Variants in PRKD1 observed in about 807,000 individuals in gnomAD.
PRKD1 encodes serine/threonine-protein kinase D1.
PRKD1 carries 63 observed loss-of-function variants against 95.9 expected under a neutral mutation model. That is an observed-to-expected ratio of 0.66 (90% CI 0.54 to 0.81). PRKD1 has a LOEUF of 0.81. PRKD1 is among the 30% of genes least tolerant of loss of function. The probability of loss-of-function intolerance (pLI) is 0.00; values close to 1 mark genes in which losing one functional copy is unlikely to be tolerated. For synonymous variants in PRKD1, 425 were observed against 423.1 expected (o/e 1.00, Z -0.05); for missense variants, 1,048 against 1,165.3 (o/e 0.90, Z 1.47).
At chr14:29,890,924 TC>T (rs1401981071) in intron 1 of PRKD1, among the ~76,000 whole-genome samples, 3 of 152,046 alleles carry the variant, frequency 2.0e-5, no homozygotes, top group African/African-American at 7.2e-5. Context: ...TTTTGAAAAT[TC>T]TATCTATCAC....
chr14:29,577,120 T>C lies in PRKD1; in HGVS notation c.*118A>G. The stretch of plus-strand genomic sequence containing the variant: ...CAGATACATCAACAGTGCTAACAGT[T>C]TAACAGCTTTGTTCTCATCTGACAG... On this transcript the variant is annotated 3_prime_UTR_variant, in exon 18 of 18. Coordinates refer to ENST00000331968, the MANE Select transcript of PRKD1 (RefSeq NM_002742.3). The C allele has an allele frequency of 1.9e-6, 2 of 1,073,466 alleles. No individual in the cohort carries two copies. Among genetic ancestry groups the C allele is most frequent in the Non-Finnish European group, 2.7e-6 (2 of 734,366 alleles). 66.5% of individuals were successfully genotyped at this position (1,073,466 alleles called of 1,614,324 possible).
intron 2 of PRKD1, among the ~76,000 whole-genome samples, chr14:29,694,949 C>T (rs919947962): frequency 2.6e-5 from 4 of 152,004 alleles, no homozygotes; most frequent in Non-Finnish European, 5.9e-5. Flanking sequence ...AAAGGACAGC[C>T]GGGCCAGGCA....
intron 13 of PRKD1, among the ~76,000 whole-genome samples, chr14:29,622,389 T>TTCC (rs1566492875): frequency 7.6e-5 from 1 of 13,128 alleles, no homozygotes; most frequent in East Asian, 1.6e-3. Flanking sequence ...TCCTTCCTTC[T>TTCC]TTCCTTCCTT....
chr14:29,695,868 A>C (rs898275934), intron 2 of PRKD1, among the ~76,000 whole-genome samples: 1 of 152,260 alleles, frequency 6.6e-6, no homozygotes, highest in Non-Finnish European at 1.5e-5. Flanking sequence ...TGATAGATCA[A>C]TAAATGTAAA....
At chr14:29,845,067 T>G (rs1437689882) in intron 1 of PRKD1, among the ~76,000 whole-genome samples, 1 of 152,178 alleles carries the variant, frequency 6.6e-6, no homozygotes, top group African/African-American at 2.4e-5. Context: ...TTCTAATTAA[T>G]GAAGAAAAGG....
chr14:29,661,897 A>C (rs1426642376), intron 4 of PRKD1, among the ~76,000 whole-genome samples: 1 of 152,200 alleles, frequency 6.6e-6, no homozygotes, highest in Non-Finnish European at 1.5e-5. Flanking sequence ...AATTTTAAAA[A>C]TGTGTACTTA....
At chr14:29,598,969 C>T in intron 15 of PRKD1, 58 bp downstream of exon 15, 1 of 1,352,736 alleles carries the variant, frequency 7.4e-7, no homozygotes. Context: ...CAAGATGCTA[C>T]ATGGAAGCTA....
intron 1 of PRKD1, among the ~76,000 whole-genome samples, chr14:29,756,485 T>C (rs565602906): frequency 8.5e-5 from 13 of 152,188 alleles, no homozygotes; most frequent in Non-Finnish European, 1.5e-4. Flanking sequence ...ATTTAACTTT[T>C]AAGAATAAAT....
intron 1 of PRKD1, among the ~76,000 whole-genome samples, chr14:29,806,355 T>C (rs780481419): frequency 1.3e-5 from 2 of 152,148 alleles, no homozygotes; most frequent in Non-Finnish European, 2.9e-5. Context: ...GGCAATAGGC[T>C]TGGGAGAAGG....
rs145576454 is a variant in PRKD1, at chr14:29,581,467, C to T, written c.2435-3107G>A. Among the ~76,000 whole-genome samples, 14 of 152,050 alleles carry T rather than the reference C, an allele frequency of 9.2e-5. No individual in the cohort carries two copies. In the South Asian group the frequency reaches 1.7e-3, roughly 18 times the overall value. On this transcript the variant is annotated intron_variant, in intron 16 of 17. Transcript: ENST00000331968. ...AATCTCCATTTTAATAAAAGGAAAA[C>T]GTGACGCTTCAAAAGGCCATGTAAG...
chr14:29,631,681 G>T, intron 9 of PRKD1, among the ~76,000 whole-genome samples: 1 of 151,820 alleles, frequency 6.6e-6, no homozygotes, highest in Non-Finnish European at 1.5e-5. Context: ...TGTATTTTTA[G>T]TAGAGACAGG....
At chr14:29,927,145 C>T in intron 1 of PRKD1, 104 bp downstream of exon 1, 1 of 1,209,670 alleles carries the variant, frequency 8.3e-7, no homozygotes, top group Non-Finnish European at 1.0e-6. Flanking sequence ...GGCTGGCGGC[C>T]AGCCGAGCCC....
chr14:29,720,352 A>G (rs1885824929), intron 2 of PRKD1, among the ~76,000 whole-genome samples: 1 of 152,182 alleles, frequency 6.6e-6, no homozygotes, highest in Admixed American at 6.6e-5. Context: ...CTGGCCCTGG[A>G]AATTATACTC....
intron 1 of PRKD1, among the ~76,000 whole-genome samples, chr14:29,923,517 TAATACA>T (rs1202593604): frequency 6.6e-6 from 1 of 152,074 alleles, no homozygotes; most frequent in East Asian, 1.9e-4. Context: ...AAACAATGTA[TAATACA>T]ATTAAAGTGA....
chr14:29,684,571 A>G (rs1204993631), intron 2 of PRKD1, among the ~76,000 whole-genome samples: 1 of 152,226 alleles, frequency 6.6e-6, no homozygotes, highest in Non-Finnish European at 1.5e-5. Flanking sequence ...ATTTGTTTTG[A>G]ATCAACTCAT....
chr14:29,742,458 T>C (rs963441299), intron 1 of PRKD1, among the ~76,000 whole-genome samples: 3 of 152,222 alleles, frequency 2.0e-5, no homozygotes, highest in African/African-American at 7.2e-5. Flanking sequence ...TGATTCAGGT[T>C]AGTAGGTCAT....
rs1354463183 is a variant in PRKD1, at chr14:29,826,836, TATAC to T, written c.264+100409_264+100412del. On this transcript the variant is annotated intron_variant, in intron 1 of 17. Transcript: ENST00000331968. ...ATACACATATATATATATATATATATATACACACATATATATATATATATATATA... is the reference window on the plus strand; with the variant it reads ...ATACACATATATATATATATATATATACACATATATATATATATATATATA... Among the ~76,000 whole-genome samples, 141 of 22,600 alleles carry T rather than the reference TATAC, an allele frequency of 6.2e-3. 15 individuals are homozygous for T. The highest frequency in any genetic ancestry group is 9.9e-3 in the Non-Finnish European group (115 of 11,570). 14.8% of individuals were successfully genotyped at this position (22,600 alleles called of 152,430 possible). A position where few individuals can be genotyped will look rare whatever the true frequency, so the allele number is the denominator to read the frequency against.
intron 1 of PRKD1, among the ~76,000 whole-genome samples, chr14:29,771,183 T>C (rs1888491565): frequency 6.6e-6 from 1 of 152,092 alleles, no homozygotes; most frequent in African/African-American, 2.4e-5. Flanking sequence ...AGGGTGTGGC[T>C]AAGCAACCCT....
intron 2 of PRKD1, among the ~76,000 whole-genome samples, chr14:29,668,246 C>T (rs1882635094): frequency 6.6e-6 from 1 of 152,060 alleles, no homozygotes; most frequent in South Asian, 2.1e-4. Context: ...TCACTTAGCA[C>T]AGGAAAACAA....
Sources: allele counts gnomAD v4.1 joint callset (sites outside exome capture counted in the v4.1 genomes callset), GRCh38; gene constraint gnomAD v4.1.1; transcripts MANE v1.5; gene names NCBI Gene and HGNC (gene_info 2026-07-23, HGNC 2026-07-21).